Variants in FRMPD4 observed in about 807,000 individuals in gnomAD.
The protein encoded by FRMPD4 is FERM and PDZ domain-containing protein 4.
FRMPD4 carries 22 observed loss-of-function variants against 94.1 expected under a neutral mutation model. The observed-to-expected ratio is 0.23, with a 90% CI of 0.17 to 0.33. The LOEUF is 0.33. FRMPD4 is among the 10% of genes least tolerant of loss of function. FRMPD4 has a pLI of 1.00. For synonymous variants in FRMPD4, 631 were observed against 548.6 expected (o/e 1.15, Z -2.10); for missense variants, 1,111 against 1,339.9 (o/e 0.83, Z 2.67).
chrX:12,246,266 T>A (rs2053956985), intron 1 of FRMPD4, among the ~76,000 whole-genome samples: 1 of 112,217 alleles, frequency 8.9e-6, no homozygotes. Flanking sequence ...CAAAATGAGA[T>A]CCGTCCTTCC....
At chrX:12,660,199 A>G (rs756794980) in intron 4 of FRMPD4, among the ~76,000 whole-genome samples, 3 of 112,400 alleles carry the variant, frequency 2.7e-5, no homozygotes, top group Non-Finnish European at 5.6e-5. Flanking sequence ...GTCGTTGGTT[A>G]TATGTAAGCG....
intron 1 of FRMPD4, among the ~76,000 whole-genome samples, chrX:11,858,544 C>G (rs1168234387): frequency 9.0e-6 from 1 of 110,638 alleles, no homozygotes; most frequent in Non-Finnish European, 1.9e-5. Flanking sequence ...ACACTGGGGT[C>G]TTTCAGAGGG....
chrX:12,247,807 A>G (rs1457295244), intron 1 of FRMPD4, among the ~76,000 whole-genome samples: 1 of 112,388 alleles, frequency 8.9e-6, no homozygotes, highest in African/African-American at 3.2e-5. Context: ...TGGCAATTTT[A>G]TCAGATAGGT....
intron 1 of FRMPD4, among the ~76,000 whole-genome samples, chrX:12,414,227 C>A (rs1318955759): frequency 8.9e-6 from 1 of 112,634 alleles, no homozygotes; most frequent in East Asian, 2.8e-4. Context: ...CCACACAACA[C>A]ACTATGGTTC....
At chrX:12,321,318 C>T (rs965760961) in intron 1 of FRMPD4, among the ~76,000 whole-genome samples, 8 of 111,884 alleles carry the variant, frequency 7.2e-5, no homozygotes, top group East Asian at 5.6e-4. Flanking sequence ...AGTGGGTAGA[C>T]GTATACAGAT....
In FRMPD4 at chrX:11,835,224, A is replaced by G. The variant is rs188855889; in HGVS notation, c.-161+12509A>G. Among the ~76,000 whole-genome samples, 140 of 112,265 alleles carry G rather than the reference A, an allele frequency of 1.2e-3. 1 individual carries two copies. The highest frequency in any genetic ancestry group is 3.9e-3 in the African/African-American group (121 of 30,965). ...TACACTCAGAAGAGCCCATTCTGCC[A>G]TGATATTTTCCTAGTGTCTCTTGTC... On this transcript the variant is annotated intron_variant, in intron 1 of 18. Coordinates refer to the FRMPD4 transcript ENST00000640291.
At chrX:12,680,505 A>G (rs1449194756) in intron 5 of FRMPD4, among the ~76,000 whole-genome samples, 1 of 112,515 alleles carries the variant, frequency 8.9e-6, no homozygotes, top group African/African-American at 3.2e-5. Context: ...GATTCTCATT[A>G]AGTAGCCTTC....
intron 1 of FRMPD4, among the ~76,000 whole-genome samples, chrX:12,205,883 A>C (rs1008876027): frequency 3.6e-5 from 4 of 112,490 alleles, no homozygotes; most frequent in Admixed American, 2.8e-4. Context: ...TTCAAAGAAG[A>C]AGACACTGTC....
At chrX:12,566,892 C>G (rs1232631925) in intron 2 of FRMPD4, among the ~76,000 whole-genome samples, 1 of 109,337 alleles carries the variant, frequency 9.1e-6, no homozygotes, top group African/African-American at 3.3e-5. Context: ...CAACTCAGCT[C>G]TCAGCGAAGA....
chrX:12,547,814 G>T (rs2058494036), intron 2 of FRMPD4, among the ~76,000 whole-genome samples: 1 of 111,816 alleles, frequency 8.9e-6, no homozygotes, highest in Non-Finnish European at 1.9e-5. Flanking sequence ...AGTTGGCAAA[G>T]GATCGGTTAA....
chrX:12,198,012 A>G (rs1254578970), intron 1 of FRMPD4, among the ~76,000 whole-genome samples: 1 of 112,262 alleles, frequency 8.9e-6, no homozygotes, highest in Non-Finnish European at 1.9e-5. Flanking sequence ...CACACATTTT[A>G]AATTAGAATT....
At chrX:12,656,764 G>T (rs1282958546) in intron 4 of FRMPD4, among the ~76,000 whole-genome samples, 1 of 111,577 alleles carries the variant, frequency 9.0e-6, no homozygotes, top group East Asian at 2.8e-4. Context: ...TTCTTATTTG[G>T]ACCCTGATTA....
At chrX:11,974,341 C>A (rs776889583) in intron 3 of FRMPD4, among the ~76,000 whole-genome samples, 15 of 111,335 alleles carry the variant, frequency 1.3e-4, no homozygotes, top group Non-Finnish European at 2.6e-4. Context: ...CCCACTCTTT[C>A]GCTTGCTTCC....
intron 1 of FRMPD4, among the ~76,000 whole-genome samples, chrX:11,856,990 C>T (rs1406539873): frequency 9.0e-6 from 1 of 111,670 alleles, no homozygotes; most frequent in African/African-American, 3.3e-5. Flanking sequence ...CCTAGGAATA[C>T]AGCTAACTAG....
intron 2 of FRMPD4, among the ~76,000 whole-genome samples, chrX:11,876,491 G>A (rs1213525015): frequency 9.0e-6 from 1 of 110,940 alleles, no homozygotes; most frequent in African/African-American, 3.3e-5. Context: ...AGATCAACTA[G>A]GCATAGTTTT....
intron 3 of FRMPD4, among the ~76,000 whole-genome samples, chrX:11,917,293 G>C (rs760911817): frequency 1.2e-4 from 13 of 112,041 alleles, no homozygotes; most frequent in Admixed American, 1.9e-4. Context: ...CTGATGGTGG[G>C]AATGAAAATT....
At chrX:12,681,716 C>T (rs1402128894) in intron 5 of FRMPD4, among the ~76,000 whole-genome samples, 2 of 110,336 alleles carry the variant, frequency 1.8e-5, no homozygotes, top group Non-Finnish European at 3.8e-5. Flanking sequence ...CACACACACA[C>T]ACGCACGCAC....
intron 3 of FRMPD4, among the ~76,000 whole-genome samples, chrX:12,114,290 C>T (rs945615985): frequency 2.7e-5 from 3 of 111,194 alleles, no homozygotes; most frequent in African/African-American, 9.8e-5. Context: ...TCTTTTTTCA[C>T]TGTTTCTATG....
rs1216275700 is a variant in FRMPD4 at position 12,621,573 on chromosome X, G to A, written c.422+6692G>A. ...GTGGTGATTCACATTTGTAATTCCAGCACTTTGGGAGGCCAAGGCAGGCAG... is the reference window on the plus strand; with the variant it reads ...GTGGTGATTCACATTTGTAATTCCAACACTTTGGGAGGCCAAGGCAGGCAG... On this transcript the variant is annotated intron_variant, in intron 4 of 16. Coordinates refer to ENST00000675598, the MANE Select transcript of FRMPD4 (RefSeq NM_001368397.1). Among the ~76,000 whole-genome samples, 6 of 76,511 alleles carry A rather than the reference G, an allele frequency of 7.8e-5. No homozygotes were observed. In the Admixed American group the frequency reaches 9.6e-4, roughly 12 times the overall value. 66.4% of individuals were successfully genotyped at this position (76,511 alleles called of 115,157 possible). A position where few individuals can be genotyped will look rare whatever the true frequency, so the allele number is the denominator to read the frequency against.
Sources: allele counts gnomAD v4.1 joint callset (sites outside exome capture counted in the v4.1 genomes callset), GRCh38; gene constraint gnomAD v4.1.1; transcripts MANE v1.5; gene names NCBI Gene and HGNC (gene_info 2026-07-23, HGNC 2026-07-21).